Variants in PCDHGA4 observed in about 807,000 individuals in gnomAD.
The protein encoded by PCDHGA4 is protocadherin gamma subfamily A, 4.
Under a neutral mutation model 54.6 loss-of-function variants are expected in PCDHGA4, and 38 were observed. The ratio of observed to expected loss-of-function variants is 0.70; its 90% CI spans 0.54 to 0.91. PCDHGA4 has a LOEUF of 0.91. PCDHGA4 is among the 40% of genes least tolerant of loss of function. PCDHGA4 has a pLI of 0.00. For missense variants in PCDHGA4, 1,298 were observed against 1,220.9 expected (o/e 1.06, Z -0.94); for synonymous variants, 511 against 512.9 (o/e 1.00, Z 0.05).
At chr5:141,482,840 G>A (rs1343123459) in intron 1 of PCDHGA4, among the ~76,000 whole-genome samples, 2 of 152,212 alleles carry the variant, frequency 1.3e-5, no homozygotes, top group Admixed American at 6.5e-5. Context: ...GGGAGGCCAA[G>A]GTGGGCAGAT....
chr5:141,511,140 C>T lies in PCDHGA4; in HGVS notation c.2856C>T (p.Asn952=). Reference sequence around the variant, plus strand: ...AGGCCCCAGCAGGTGGCAATGGCAACAAGAAGAAGTCGGGCAAGAAGGAGA... The same window carrying T: ...AGGCCCCAGCAGGTGGCAATGGCAATAAGAAGAAGTCGGGCAAGAAGGAGA... ...DGKAPAGGNG[N]KKKSGKKEKK is the part of the protein sequence containing the mutation. Residue 952 remains asparagine (N), a synonymous_variant, in exon 4 of 4, where the codon AAC becomes AAT. Transcript: ENST00000571252. The T allele has an allele frequency of 1.2e-6, 2 of 1,614,186 alleles. No homozygotes were observed. The highest frequency in any genetic ancestry group is 1.3e-5 in the African/African-American group (1 of 75,050).
At chr5:141,451,892 A>C (rs1215224398) in intron 1 of PCDHGA4, among the ~76,000 whole-genome samples, 2 of 152,114 alleles carry the variant, frequency 1.3e-5, no homozygotes, top group Non-Finnish European at 2.9e-5. Context: ...AAAGAAAGGA[A>C]GGAACAAGGG....
In PCDHGA4 at chr5:141,375,969, C is replaced by T. The variant is rs778872651; in HGVS notation, c.2514+18348C>T. 3 of 1,613,328 alleles carry T rather than the reference C, an allele frequency of 1.9e-6. No individual in the cohort carries two copies. The South Asian group carries it at 3.3e-5, about 18-fold the overall frequency. On this transcript the variant is annotated intron_variant, in intron 1 of 3. Transcript: ENST00000571252. ...CTGCACACGGGCGAGGTGCGCACGG[C>T]GCGCGCCCTGCTGGACAGAGACGCG...
chr5:141,359,982 G>A, intron 1 of PCDHGA4: 2 of 872,362 alleles, frequency 2.3e-6, no homozygotes, highest in Non-Finnish European at 3.2e-6. Context: ...GAGCCTCTTA[G>A]AGGGGAACTT....
At chr5:141,419,432 C>A (rs2096381830) in intron 1 of PCDHGA4, 1 of 1,613,160 alleles carries the variant, frequency 6.2e-7, no homozygotes, top group Non-Finnish European at 8.5e-7. Flanking sequence ...CCACGAGCAG[C>A]TGCGCACCTT....
chr5:141,491,143 C>A lies in PCDHGA4; in HGVS notation c.2515-3664C>A. 1.2e-6 allele frequency: 2 copies of A among 1,614,142 alleles called. No homozygotes were observed. Among genetic ancestry groups the A allele is most frequent in the South Asian group, 1.1e-5 (1 of 91,082 alleles). On this transcript the variant is annotated intron_variant, in intron 1 of 3. Transcript: ENST00000571252. This position sits in a 1 kb window ranked among gnomAD's most constrained non-coding sequence, Gnocchi z 6.9. ...TGAGGTGCGCACAGCCCGGGCCTTA[C>A]TGGAGGATGACTCTGACACCCAGCA... is the stretch of plus-strand genomic sequence containing the variant.
intron 1 of PCDHGA4, chr5:141,427,942 T>C (rs1561832592): frequency 6.3e-7 from 1 of 1,586,106 alleles, no homozygotes; most frequent in Non-Finnish European, 8.6e-7. Context: ...GTGGGCGACC[T>C]CAATGACAAT....
At chr5:141,502,710 C>T (rs2099815750) in intron 2 of PCDHGA4, among the ~76,000 whole-genome samples, 1 of 152,168 alleles carries the variant, frequency 6.6e-6, no homozygotes, top group South Asian at 2.1e-4. Context: ...GTTTTTACAT[C>T]AGTGATTACA....
At chr5:141,504,302 C>T (rs969760258) in intron 2 of PCDHGA4, among the ~76,000 whole-genome samples, 9 of 152,004 alleles carry the variant, frequency 5.9e-5, no homozygotes, top group African/African-American at 1.5e-4. Context: ...TTTCAACACT[C>T]GGAGTTTCTA....
intron 1 of PCDHGA4, chr5:141,415,899 G>A (rs1224954481): frequency 1.2e-6 from 1 of 869,552 alleles, no homozygotes; most frequent in Non-Finnish European, 1.6e-6. Flanking sequence ...TCCTAAGACA[G>A]ACTTCCATAC....
At chr5:141,427,984 C>G (rs754620535) in intron 1 of PCDHGA4, 2 of 1,597,494 alleles carry the variant, frequency 1.3e-6, no homozygotes, top group South Asian at 2.2e-5. Flanking sequence ...GCGCTGGGGC[C>G]CGATGGCTCC....
chr5:141,428,729 ATAT>A (rs2097158318), intron 1 of PCDHGA4: 2 of 159,768 alleles, frequency 1.3e-5, no homozygotes. Flanking sequence ...AATCTTAAAC[ATAT>A]TATATCTACT....
In PCDHGA4 at chr5:141,395,537, A is replaced by ATTGTTTGT. The variant is rs1179408656; in HGVS notation, c.2514+37917_2514+37924dup. On this transcript the variant is annotated intron_variant, in intron 1 of 3. Coordinates refer to ENST00000571252, the MANE Select transcript of PCDHGA4 (RefSeq NM_018917.4). Reference sequence around the variant, plus strand: ...ACCCGTCCATACTGGTAATTTTGCTATTGTTTGTGTGTGTGTGTGTGTGTG... The same window carrying ATTGTTTGT: ...ACCCGTCCATACTGGTAATTTTGCTATTGTTTGTTTGTTTGTGTGTGTGTGTGTGTGTG... 12 of 243,932 alleles carry ATTGTTTGT rather than the reference A, an allele frequency of 4.9e-5. No individual in the cohort carries two copies. In the African/African-American group the frequency reaches 6.6e-4, roughly 13 times the overall value. 15.1% of individuals were successfully genotyped at this position (243,932 alleles called of 1,614,324 possible).
chr5:141,436,875 A>C (rs1182313546), intron 1 of PCDHGA4, among the ~76,000 whole-genome samples: 3 of 152,236 alleles, frequency 2.0e-5, no homozygotes, highest in African/African-American at 7.2e-5. Context: ...TTAGGCCATA[A>C]AAGATGGGGG....
At chr5:141,384,661 G>C (rs777530436) in intron 1 of PCDHGA4, 1 of 1,614,226 alleles carries the variant, frequency 6.2e-7, no homozygotes. Context: ...CGGCTACCTG[G>C]TGACCAAGGT....
At chr5:141,409,435 C>T in intron 1 of PCDHGA4, 2 of 1,613,994 alleles carry the variant, frequency 1.2e-6, no homozygotes, top group Non-Finnish European at 1.7e-6. Context: ...GAGCCCTGGA[C>T]CGAGAGCAGA....
Position 141,510,999 on chromosome 5 carries a change from G to C in PCDHGA4, c.2715G>C (p.Leu905Phe). Residue 905 changes from leucine (L) to phenylalanine (F), a missense_variant, in exon 4 of 4, where the codon TTG (leucine) becomes TTC (phenylalanine). Coordinates refer to ENST00000571252, the MANE Select transcript of PCDHGA4 (RefSeq NM_018917.4). ...GAGGGGGTGCCGGCACCATGGGATT[G>C]AGCGCCCGCTACGGACCCCAGTTCA... ...TLGGGAGTMG[L>F]SARYGPQFTL... 6.2e-7 allele frequency: 1 copy of C among 1,614,144 alleles called. No homozygotes were observed. Among genetic ancestry groups the C allele is most frequent in the Non-Finnish European group, 8.5e-7 (1 of 1,180,008 alleles).
At chr5:141,391,886 A>C (rs2092436812) in intron 1 of PCDHGA4, 1 of 152,206 alleles carries the variant, frequency 6.6e-6, no homozygotes, top group Non-Finnish European at 1.5e-5. Flanking sequence ...GGTGAAAGGG[A>C]TGGGATGGAG....
In PCDHGA4 at chr5:141,485,770, T is replaced by A. The variant is rs1199757869; in HGVS notation, c.2515-9037T>A. The A allele has an allele frequency of 6.2e-7, 1 of 1,614,180 alleles. No homozygotes were observed. The highest frequency in any genetic ancestry group is 1.1e-5 in the South Asian group (1 of 91,080). On this transcript the variant is annotated intron_variant, in intron 1 of 3. Transcript: ENST00000571252. This position sits in a 1 kb window ranked among gnomAD's most constrained non-coding sequence, Gnocchi z 5.7. ...TCCCAGAGCTGCTCCTGGAGAAGCC[T>A]TTGGATCGAGAGAAGCAATCGGACT... is the stretch of plus-strand genomic sequence containing the variant.
Sources: gnomAD v4.1 joint callset for allele counts (sites outside exome capture counted in the v4.1 genomes callset) on GRCh38, gnomAD v4.1.1 for gene constraint, Gnocchi (gnomAD v3.1) non-coding constraint, MANE v1.5 for transcripts, NCBI Gene and HGNC (gene_info 2026-07-23, HGNC 2026-07-21) for gene names.